The following ARHGEF26 variants were observed in gnomAD, a reference collection of about 807,000 sequenced individuals.
The protein encoded by ARHGEF26 is Rho guanine nucleotide exchange factor 26.
Under a neutral mutation model 89.4 loss-of-function variants are expected in ARHGEF26, and 59 were observed. The observed-to-expected ratio is 0.66, with a 90% CI of 0.54 to 0.82. The LOEUF (loss-of-function observed/expected upper bound fraction) is 0.82, where lower values mean the gene tolerates loss of function less well. Among genes scored for constraint, ARHGEF26 ranks in the 40% least tolerant of loss-of-function variants. The pLI is 0.00. For synonymous variants in ARHGEF26, 500 were observed against 428.4 expected (o/e 1.17, Z -2.06); for missense variants, 1,234 against 1,085.6 (o/e 1.14, Z -1.92).
chr3:154,161,099 TTTGTGTGTGTGTGTGTGTGTGTGTGTGTG>T (rs1288628497), intron 6 of ARHGEF26, among the ~76,000 whole-genome samples: 16 of 147,220 alleles, frequency 1.1e-4, no homozygotes, highest in Non-Finnish European at 1.9e-4. Context: ...GGTAGCCAGG[TTTGTGTGTGTGTGTGTGTGTGTGTGTGTG>T]TGTGTGTGTG....
chr3:154,196,124 G>C (rs1714276855), intron 9 of ARHGEF26, among the ~76,000 whole-genome samples: 1 of 152,058 alleles, frequency 6.6e-6, no homozygotes, highest in African/African-American at 2.4e-5. Context: ...TAGGGAACCT[G>C]AGCTGAGTGT....
chr3:154,127,529 G>GTCA (rs3029657), intron 3 of ARHGEF26, among the ~76,000 whole-genome samples: 137,936 of 151,624 alleles, frequency 0.91, 62,965 homozygotes, highest in East Asian at 1. Context: ...ACATGGGGCT[G>GTCA]TCATCAATGA....
intron 2 of ARHGEF26, 93 bp downstream of exon 2, chr3:154,123,168 A>G: frequency 6.6e-7 from 1 of 1,513,692 alleles, no homozygotes; most frequent in Admixed American, 2.0e-5. Flanking sequence ...AACCCGAAGA[A>G]GTCATTCCGT....
intron 9 of ARHGEF26, among the ~76,000 whole-genome samples, chr3:154,217,362 A>G (rs1301971501): frequency 5.9e-5 from 9 of 151,866 alleles, no homozygotes; most frequent in African/African-American, 1.5e-4. Context: ...CATGTCCTTC[A>G]CCCACTTTCT....
chr3:154,239,162 C>T (rs981030898), intron 11 of ARHGEF26, among the ~76,000 whole-genome samples: 4 of 150,926 alleles, frequency 2.7e-5, no homozygotes, highest in Non-Finnish European at 4.4e-5. Context: ...AGAGTAAAGT[C>T]GGGGAATTGA....
At chr3:154,168,431 G>C (rs769296154) in intron 6 of ARHGEF26, among the ~76,000 whole-genome samples, 1 of 152,062 alleles carries the variant, frequency 6.6e-6, no homozygotes, top group Non-Finnish European at 1.5e-5. Context: ...ACAAAAATTA[G>C]CCAGGCGTGG....
At position 154,201,848 on chromosome 3, in the gene ARHGEF26, GTTGT is replaced by G. The variant is rs1362064335; in HGVS notation, c.1845+7137_1845+7140del. The stretch of plus-strand genomic sequence containing the variant: ...TATCCTTCACCCACTTGTTGATGGG[GTTGT>G]TTGTTTTTTTCTTGTAAATTTGTTT... On this transcript the variant is annotated intron_variant, in intron 9 of 14. Coordinates refer to ENST00000465093, the MANE Select transcript of ARHGEF26 (RefSeq NM_015595.4). Among the ~76,000 whole-genome samples the G allele has an allele frequency of 3.4e-3, 520 of 152,236 alleles. 7 individuals carry two copies. The highest frequency in any genetic ancestry group is 3.2e-3 in the Non-Finnish European group (220 of 68,012).
chr3:154,196,440 T>A (rs1714297683), intron 9 of ARHGEF26, among the ~76,000 whole-genome samples: 1 of 152,172 alleles, frequency 6.6e-6, no homozygotes, highest in Non-Finnish European at 1.5e-5. Flanking sequence ...CATAGCCCTA[T>A]ATGAATTGGG....
chr3:154,255,825 A>C lies in ARHGEF26; in HGVS notation c.*352A>C, dbSNP rs770622453. On this transcript the variant is annotated 3_prime_UTR_variant, in exon 15 of 15. Coordinates refer to ENST00000465093, the MANE Select transcript of ARHGEF26 (RefSeq NM_015595.4). Reference sequence around the variant, plus strand: ...TGGTTTTCTCTATCCTTGCATTACTAAGGTGACTGTCTCTCTTTATACATC... The same window carrying C: ...TGGTTTTCTCTATCCTTGCATTACTCAGGTGACTGTCTCTCTTTATACATC... 9.6e-7 allele frequency: 1 copy of C among 1,041,654 alleles called. No homozygotes were observed. The highest frequency in any genetic ancestry group is 4.2e-5 in the South Asian group (1 of 24,026). The allele number at this position is 1,041,654 out of a possible 1,614,324, so 64.5% of individuals were successfully genotyped here.
At chr3:154,143,766 C>T (rs946635430) in intron 4 of ARHGEF26, among the ~76,000 whole-genome samples, 5 of 152,106 alleles carry the variant, frequency 3.3e-5, no homozygotes, top group Admixed American at 6.6e-5. Context: ...TGTTAGTCTT[C>T]GGTTAAATTA....
Position 154,124,405 on chromosome 3 carries a change from CTT to C in ARHGEF26, c.1084-4_1084-3del, listed in dbSNP as rs982582953. 2.9e-5 allele frequency: 30 copies of C among 1,036,648 alleles called. No individual in the cohort carries two copies. Among genetic ancestry groups the C allele is most frequent in the South Asian group, 9.8e-5 (4 of 40,704 alleles). The allele number at this position is 1,036,648 out of a possible 1,614,324, so 64.2% of individuals were successfully genotyped here. On this transcript the variant is annotated splice_region_variant and splice_polypyrimidine_tract_variant and intron_variant, in intron 2 of 14. Coordinates refer to ENST00000465093, the MANE Select transcript of ARHGEF26 (RefSeq NM_015595.4). ...TTTTTTTTTTTACTTTTTTTTGTCT[CTT>C]AGAAAAAAATGCTGAAAGGACAAGG...
chr3:154,233,110 T>C (rs1281845706), intron 11 of ARHGEF26, among the ~76,000 whole-genome samples: 1 of 151,994 alleles, frequency 6.6e-6, no homozygotes, highest in Non-Finnish European at 1.5e-5. Context: ...GGATTACAGG[T>C]GTGAGCCACT....
Position 154,194,796 on chromosome 3 carries a change from A to T in ARHGEF26, c.1845+78A>T, listed in dbSNP as rs765183067. ...CAGACACAAAGTGTGTCTTGGCTTG[A>T]TGCTGAAAACTGGTAGAGTCTCACA... On this transcript the variant is annotated intron_variant, in intron 9 of 14. Transcript: ENST00000465093. 1.6e-5 allele frequency: 21 copies of T among 1,288,264 alleles called. No homozygotes were observed. In the Admixed American group the frequency reaches 2.4e-4, roughly 15 times the overall value. The allele number at this position is 1,288,264 out of a possible 1,614,324, so 79.8% of individuals were successfully genotyped here.
At chr3:154,190,063 T>G (rs1404750182) in intron 7 of ARHGEF26, among the ~76,000 whole-genome samples, 8 of 152,186 alleles carry the variant, frequency 5.3e-5, no homozygotes, top group Non-Finnish European at 1.0e-4. Context: ...ACTATCCTGC[T>G]TCCTTCTCCC....
intron 12 of ARHGEF26, among the ~76,000 whole-genome samples, chr3:154,251,038 ACTT>A (rs1481987848): frequency 6.6e-6 from 1 of 152,064 alleles, no homozygotes; most frequent in African/African-American, 2.4e-5. Context: ...GCATATTACT[ACTT>A]GACACACCAT....
At chr3:154,150,611 C>T (rs990672720) in intron 5 of ARHGEF26, among the ~76,000 whole-genome samples, 81 of 152,124 alleles carry the variant, frequency 5.3e-4, no homozygotes, top group African/African-American at 1.8e-3. Context: ...ATGAACACCA[C>T]CTTTAAATAT....
Position 154,217,096 on chromosome 3 carries a change from T to C in ARHGEF26, c.1846-773T>C, listed in dbSNP as rs181714942. ...AATGAAATTTCTAGTTCTAGATCCC[T>C]GAGGAGTCACCACACTGACTTCCAC... On this transcript the variant is annotated intron_variant, in intron 9 of 14. Coordinates refer to ENST00000465093, the MANE Select transcript of ARHGEF26 (RefSeq NM_015595.4). Among the ~76,000 whole-genome samples, 4 of 152,002 alleles carry C rather than the reference T, an allele frequency of 2.6e-5. No individual in the cohort carries two copies. The East Asian group carries it at 7.8e-4, about 29-fold the overall frequency.
At chr3:154,224,132 A>AG (rs201122291) in intron 10 of ARHGEF26, among the ~76,000 whole-genome samples, 1 of 152,266 alleles carries the variant, frequency 6.6e-6, no homozygotes, top group African/African-American at 2.4e-5. Flanking sequence ...TTTCCTTACT[A>AG]GGGGAATTCA....
At chr3:154,208,508 A>C (rs376119677) in intron 9 of ARHGEF26, among the ~76,000 whole-genome samples, 10 of 152,196 alleles carry the variant, frequency 6.6e-5, no homozygotes, top group Admixed American at 2.6e-4. Context: ...GTTCTCTGTT[A>C]TATCCCTTTG....
Sources: allele counts gnomAD v4.1 joint callset (sites outside exome capture counted in the v4.1 genomes callset), GRCh38; gene constraint gnomAD v4.1.1; transcripts MANE v1.5; gene names NCBI Gene and HGNC (gene_info 2026-07-23, HGNC 2026-07-21).